Variants in TAB3 observed in about 807,000 individuals in gnomAD.
TAB3 encodes the protein TGF-beta activated kinase 1 (MAP3K7) binding protein 3.
In TAB3, 18 loss-of-function variants were observed where a neutral mutation model predicts 48.1. That is an observed-to-expected ratio of 0.37 (90% confidence interval 0.26 to 0.55). The LOEUF is 0.55. Ranked by LOEUF, TAB3 falls within the 20% of genes least tolerant of loss-of-function variation. TAB3 has a pLI of 0.78. For missense variants in TAB3, 414 were observed against 549.8 expected (o/e 0.75, Z 2.47); for synonymous variants, 185 against 190.2 (o/e 0.97, Z 0.22).
At chrX:30,852,416 T>C (rs1725975240) in intron 7 of TAB3, among the ~76,000 whole-genome samples, 1 of 108,747 alleles carries the variant, frequency 9.2e-6, no homozygotes, top group Non-Finnish European at 1.9e-5. Flanking sequence ...TTAAAAAATA[T>C]ATATATCATA....
At chrX:30,841,422 AAAAAG>A (rs1938436773) in intron 9 of TAB3, among the ~76,000 whole-genome samples, 1 of 110,561 alleles carries the variant, frequency 9.0e-6, no homozygotes, top group Non-Finnish European at 1.9e-5. Context: ...CTCAAAAAAA[AAAAAG>A]AAATCAATAG....
intron 8 of TAB3, 199 bp from the exon 9 acceptor site, chrX:30,843,248 C>A: frequency 2.8e-6 from 1 of 357,846 alleles, no homozygotes; most frequent in African/African-American, 2.6e-5. Context: ...AAAACCACTA[C>A]ACAGATGTAT....
intron 1 of TAB3, among the ~76,000 whole-genome samples, chrX:30,876,119 A>G (rs1390578668): frequency 8.9e-6 from 1 of 112,051 alleles, no homozygotes. Flanking sequence ...GCAATGAATC[A>G]GTTCACACAC....
intron 1 of TAB3, 63 bp from the exon 2 acceptor site, chrX:30,871,864 G>A (rs1939671418): frequency 8.9e-6 from 1 of 112,130 alleles, no homozygotes; most frequent in Admixed American, 9.4e-5. Context: ...ACAACAGTAT[G>A]AGCAAGTGAT....
rs1286723066 is a variant in TAB3 at position 30,828,053 on chromosome X, C to T, written c.*3374G>A. ...TAACATGGACTCATTCAAGGTCTAA[C>T]AATGGTACAATATTAAAATAATTCA... On this transcript the variant is annotated 3_prime_UTR_variant, in exon 11 of 11. Coordinates refer to ENST00000288422, the MANE Select transcript of TAB3 (RefSeq NM_152787.5). 1 of 111,990 alleles carries T rather than the reference C, an allele frequency of 8.9e-6. No individual in the cohort carries two copies. Among genetic ancestry groups the T allele is most frequent in the Non-Finnish European group, 1.9e-5 (1 of 53,132 alleles). The allele number at this position is 111,990 out of a possible 1,213,427, so 9.2% of individuals were successfully genotyped here. A position where few individuals can be genotyped will look rare whatever the true frequency, so the allele number is the denominator to read the frequency against.
intron 4 of TAB3, among the ~76,000 whole-genome samples, chrX:30,866,391 T>C (rs1939403963): frequency 1.8e-5 from 2 of 110,863 alleles, no homozygotes; most frequent in African/African-American, 6.6e-5. Context: ...TGATTTCTAA[T>C]TGCATTCTCT....
At chrX:30,833,947 G>T in intron 10 of TAB3, 104 bp downstream of exon 10, 1 of 735,078 alleles carries the variant, frequency 1.4e-6, no homozygotes, top group Non-Finnish European at 2.0e-6. Context: ...ACTCGGTAAT[G>T]TTTTTAAAGC....
intron 7 of TAB3, among the ~76,000 whole-genome samples, chrX:30,851,727 G>A (rs1314593015): frequency 8.9e-6 from 1 of 111,812 alleles, no homozygotes; most frequent in Non-Finnish European, 1.9e-5. Flanking sequence ...CTCTAAACCT[G>A]TAAACTCAGA....
At chrX:30,873,273 C>T (rs1334083452) in intron 1 of TAB3, among the ~76,000 whole-genome samples, 1 of 110,859 alleles carries the variant, frequency 9.0e-6, no homozygotes, top group Non-Finnish European at 1.9e-5. Context: ...CGCGGTGGCT[C>T]ACGCCTGTAA....
chrX:30,859,798 CCTT>C (rs980649337), intron 4 of TAB3, 120 bp from the exon 5 acceptor site: 18 of 397,784 alleles, frequency 4.5e-5, no homozygotes, highest in African/African-American at 1.3e-4. Flanking sequence ...CACTGACACT[CCTT>C]CTTAGTCCTG....
At position 30,854,859 on chromosome X, in the gene TAB3, TA is replaced by T; in HGVS notation, c.805del (p.Tyr269IlefsTer80). 1 of 1,211,108 alleles carries T rather than the reference TA, an allele frequency of 8.3e-7. No individual in the cohort carries two copies. Among genetic ancestry groups the T allele is most frequent in the Non-Finnish European group, 1.1e-6 (1 of 895,276 alleles). ...AGGCTGATAGTTCTGTTGGTGTGGATAAACAGGTAAAGGACGCTGGCTATAG... is the reference window on the plus strand; with the variant it reads ...AGGCTGATAGTTCTGTTGGTGTGGATAACAGGTAAAGGACGCTGGCTATAG... ...PHYSQRPLPV[Y>X]PHQQNYQPSQ... On this transcript the variant is annotated frameshift_variant, in exon 6 of 11. Coordinates refer to ENST00000288422, the MANE Select transcript of TAB3 (RefSeq NM_152787.5). LOFTEE classifies it high-confidence loss of function.
chrX:30,880,915 T>G (rs749616607), intron 1 of TAB3, among the ~76,000 whole-genome samples: 1 of 111,317 alleles, frequency 9.0e-6, no homozygotes, highest in Admixed American at 9.6e-5. Flanking sequence ...GTAAAATAAT[T>G]ACTCCTGAAA....
intron 2 of TAB3, among the ~76,000 whole-genome samples, chrX:30,868,316 T>TA (rs1403910662): frequency 0.02 from 30 of 1,464 alleles, 5 homozygotes; most frequent in African/African-American, 0.067. Flanking sequence ...TATATATAGC[T>TA]TATATATATA....
At position 30,855,484 on chromosome X, in the gene TAB3, G is replaced by A; in HGVS notation, c.181C>T (p.Pro61Ser). 8.3e-7 allele frequency: 1 copy of A among 1,210,377 alleles called. No homozygotes were observed. The highest frequency in any genetic ancestry group is 1.1e-6 in the Non-Finnish European group (1 of 894,469). ...TTTCTATTCATCCTATTGTCATCTG[G>A]ACTATGGTATTCCATATATAAGTAT... ...SKYLYMEYHS[P>S]DDNRMNRNRL... The change falls in exon 6 of 11, where the codon CCA (proline) becomes TCA (serine). Residue 61 changes from proline (P) to serine (S), a missense_variant. Coordinates refer to ENST00000288422, the MANE Select transcript of TAB3 (RefSeq NM_152787.5).
chrX:30,880,157 T>C (rs1162488242), intron 1 of TAB3, among the ~76,000 whole-genome samples: 2 of 111,720 alleles, frequency 1.8e-5, no homozygotes, highest in African/African-American at 3.2e-5. Context: ...ACAGGTTTTG[T>C]GGGTGTGTGT....
chrX:30,879,309 C>T (rs1052381297), intron 1 of TAB3, among the ~76,000 whole-genome samples: 3 of 111,863 alleles, frequency 2.7e-5, no homozygotes, highest in Non-Finnish European at 5.7e-5. Context: ...GCTCATTTTA[C>T]AAGGCTACTA....
chrX:30,880,606 C>A (rs1335663598), intron 1 of TAB3, among the ~76,000 whole-genome samples: 3 of 111,437 alleles, frequency 2.7e-5, no homozygotes, highest in African/African-American at 9.8e-5. Flanking sequence ...AAAAAGCATG[C>A]CACACAGTGG....
chrX:30,848,645 AG>A (rs906808520), intron 7 of TAB3, among the ~76,000 whole-genome samples: 3 of 111,751 alleles, frequency 2.7e-5, no homozygotes, highest in Non-Finnish European at 5.6e-5. Context: ...GATTAAACTG[AG>A]GGGGGAAAAA....
At chrX:30,862,826 T>C (rs915240382) in intron 4 of TAB3, among the ~76,000 whole-genome samples, 3 of 111,967 alleles carry the variant, frequency 2.7e-5, no homozygotes, top group African/African-American at 9.7e-5. Context: ...TTTCTAATGA[T>C]GAGTGCCTTT....
Sources: gnomAD v4.1 joint callset for allele counts (sites outside exome capture counted in the v4.1 genomes callset) on GRCh38, gnomAD v4.1.1 for gene constraint, MANE v1.5 for transcripts, NCBI Gene and HGNC (gene_info 2026-07-23, HGNC 2026-07-21) for gene names.